NCKAP5: variants seen among roughly 807,000 people sequenced by gnomAD.
NCKAP5 encodes NCK associated protein 5, also known as nck-associated protein 5.
Under a neutral mutation model 167.0 loss-of-function variants are expected in NCKAP5, and 92 were observed. The observed-to-expected ratio is 0.55, with a 90% CI of 0.47 to 0.66. The LOEUF (loss-of-function observed/expected upper bound fraction) is 0.66. Ranked by LOEUF, NCKAP5 falls within the 30% of genes least tolerant of loss-of-function variation. The pLI is 0.00. For synonymous variants in NCKAP5, 891 were observed against 877.4 expected (o/e 1.02, Z -0.27); for missense variants, 2,378 against 2,315.0 (o/e 1.03, Z -0.56).
At chr2:133,365,697 C>T (rs1437169192) in intron 3 of NCKAP5, among the ~76,000 whole-genome samples, 1 of 152,200 alleles carries the variant, frequency 6.6e-6, no homozygotes, top group Non-Finnish European at 1.5e-5. Flanking sequence ...GCTGTGAATA[C>T]ATTGAAGGCC....
intron 4 of NCKAP5, among the ~76,000 whole-genome samples, chr2:133,256,625 T>C (rs1164208089): frequency 6.6e-6 from 1 of 152,212 alleles, no homozygotes; most frequent in East Asian, 1.9e-4. Flanking sequence ...CAGTGTATTA[T>C]AACCACCTAA....
At chr2:133,273,530 T>C (rs1217098830) in intron 4 of NCKAP5, among the ~76,000 whole-genome samples, 1 of 151,170 alleles carries the variant, frequency 6.6e-6, no homozygotes, top group Non-Finnish European at 1.5e-5. Context: ...AAAGGAAGAA[T>C]AGGAGGAGGA....
At chr2:132,698,659 C>A (rs879935748) in intron 19 of NCKAP5, among the ~76,000 whole-genome samples, 3 of 152,004 alleles carry the variant, frequency 2.0e-5, no homozygotes, top group Non-Finnish European at 4.4e-5. Context: ...ATGGTGAAAC[C>A]CTGTCTCTAC....
At chr2:132,866,901 C>T in intron 10 of NCKAP5, among the ~76,000 whole-genome samples, 1 of 151,992 alleles carries the variant, frequency 6.6e-6, no homozygotes, top group East Asian at 1.9e-4. Flanking sequence ...AAATTTTAGT[C>T]TTTTTGCAGC....
intron 19 of NCKAP5, among the ~76,000 whole-genome samples, chr2:132,680,681 A>G (rs1031803620): frequency 6.6e-6 from 1 of 152,198 alleles, no homozygotes; most frequent in Non-Finnish European, 1.5e-5. Context: ...GATAAGAAAC[A>G]TCCCCATATA....
At chr2:133,369,250 T>C (rs905074870) in intron 3 of NCKAP5, among the ~76,000 whole-genome samples, 4 of 152,164 alleles carry the variant, frequency 2.6e-5, no homozygotes, top group Non-Finnish European at 5.9e-5. Flanking sequence ...GTGAGGATGA[T>C]GTCGTGGAAG....
chr2:132,725,833 G>C (rs917869821), intron 18 of NCKAP5, 74 bp from the exon 19 acceptor site: 14 of 1,452,618 alleles, frequency 9.6e-6, no homozygotes, highest in Non-Finnish European at 1.2e-5. Flanking sequence ...GTGAGGATGC[G>C]ACACAGTTCA....
rs576802514 is a variant in NCKAP5 at position 133,334,729 on chromosome 2, G to A, written c.70-31619C>T. Among the ~76,000 whole-genome samples the A allele has an allele frequency of 1.2e-4, 18 of 152,256 alleles. No individual in the cohort carries two copies. The South Asian group carries it at 2.1e-3, about 18-fold the overall frequency. The stretch of plus-strand genomic sequence containing the variant: ...GAAGGAGGCTGCTGCCCGTTTTAAC[G>A]GTGGAATCGCAGTAATGAAGCATGT... On this transcript the variant is annotated intron_variant, in intron 3 of 19. Coordinates refer to ENST00000409261, the MANE Select transcript of NCKAP5 (RefSeq NM_207363.3).
intron 5 of NCKAP5, among the ~76,000 whole-genome samples, chr2:133,143,018 T>C (rs1371624679): frequency 6.6e-6 from 1 of 152,164 alleles, no homozygotes; most frequent in African/African-American, 2.4e-5. Flanking sequence ...ATTTTCATCC[T>C]TTTTATATTA....
chr2:133,120,516 A>G (rs1574088544), intron 6 of NCKAP5, among the ~76,000 whole-genome samples: 1 of 152,092 alleles, frequency 6.6e-6, no homozygotes, highest in Non-Finnish European at 1.5e-5. Context: ...TCTGCCCCAT[A>G]TGCAAACCTT....
At chr2:133,486,473 C>G (rs771026697) in intron 3 of NCKAP5, among the ~76,000 whole-genome samples, 3 of 152,172 alleles carry the variant, frequency 2.0e-5, no homozygotes, top group Non-Finnish European at 4.4e-5. Flanking sequence ...ATGACAAGCA[C>G]TTGTTCCATC....
chr2:133,213,991 T>G (rs2086320511), intron 4 of NCKAP5, among the ~76,000 whole-genome samples: 1 of 152,218 alleles, frequency 6.6e-6, no homozygotes, highest in Admixed American at 6.5e-5. Flanking sequence ...GATTTTACAA[T>G]AGCCAAATAA....
chr2:133,296,635 T>G (rs1182783705), intron 4 of NCKAP5, among the ~76,000 whole-genome samples: 1 of 152,260 alleles, frequency 6.6e-6, no homozygotes, highest in African/African-American at 2.4e-5. Flanking sequence ...TGCAATATAA[T>G]ATTCCAGACA....
At chr2:132,790,787 C>G (rs570469707) in intron 12 of NCKAP5, among the ~76,000 whole-genome samples, 30 of 152,244 alleles carry the variant, frequency 2.0e-4, no homozygotes, top group African/African-American at 7.2e-4. Flanking sequence ...TTATTGCAAG[C>G]ACTAAACGAG....
At position 133,551,841 on chromosome 2, in the gene NCKAP5, C is replaced by T. The variant is rs1277223287; in HGVS notation, c.-62+7209G>A. On this transcript the variant is annotated intron_variant, in intron 2 of 19. Transcript: ENST00000409261. ...AATGGGAGAAAATTTTTGCAACCTA[C>T]TCATCTGACAAAGGGCTAATATCCA... is the stretch of plus-strand genomic sequence containing the variant. Among the ~76,000 whole-genome samples the T allele has an allele frequency of 6.9e-5, 9 of 131,212 alleles. 1 individual carries two copies. The highest frequency in any genetic ancestry group is 6.2e-4 in the Admixed American group (8 of 12,912). The allele number at this position is 131,212 out of a possible 152,430, so 86.1% of individuals were successfully genotyped here. A position where few individuals can be genotyped will look rare whatever the true frequency, so the allele number is the denominator to read the frequency against.
intron 11 of NCKAP5, among the ~76,000 whole-genome samples, chr2:132,859,401 C>T (rs1432634411): frequency 1.3e-5 from 2 of 152,114 alleles, no homozygotes; most frequent in Non-Finnish European, 2.9e-5. Context: ...GGAAAAATAC[C>T]GTCCAGCAGA....
chr2:133,493,489 A>G (rs1355787041), intron 3 of NCKAP5, among the ~76,000 whole-genome samples: 3 of 152,220 alleles, frequency 2.0e-5, no homozygotes. Flanking sequence ...CTCAATCTGT[A>G]GGTACCACGG....
At chr2:132,720,090 C>T (rs557565930) in intron 19 of NCKAP5, among the ~76,000 whole-genome samples, 3 of 152,298 alleles carry the variant, frequency 2.0e-5, no homozygotes, top group African/African-American at 7.2e-5. Context: ...TGGGACCACA[C>T]TAGGTCTTCC....
chr2:132,834,898 T>C (rs1023962925), intron 11 of NCKAP5, among the ~76,000 whole-genome samples: 2 of 152,204 alleles, frequency 1.3e-5, no homozygotes, highest in African/African-American at 4.8e-5. Context: ...TTCCAGTTCT[T>C]AGAGAAAACG....
Sources: allele counts gnomAD v4.1 joint callset (sites outside exome capture counted in the v4.1 genomes callset), GRCh38; gene constraint gnomAD v4.1.1; transcripts MANE v1.5; gene names NCBI Gene and HGNC (gene_info 2026-07-23, HGNC 2026-07-21).